ZNF846: variants seen among roughly 807,000 people sequenced by gnomAD.
The protein encoded by ZNF846 is zinc finger protein 420 pseudogene.
A neutral mutation model predicts 16.0 loss-of-function variants in ZNF846; 15 were observed. The observed-to-expected ratio is 0.94, with a 90% CI of 0.63 to 1.45. ZNF846 has a LOEUF of 1.45. ZNF846 is among the 40% of genes most tolerant of loss of function. The pLI is 0.00. For missense variants in ZNF846, 714 were observed against 622.3 expected (o/e 1.15, Z -1.57); for synonymous variants, 229 against 212.0 (o/e 1.08, Z -0.70).
Position 9,758,008 on chromosome 19 carries a change from C to G in ZNF846, c.1069G>C (p.Val357Leu), listed in dbSNP as rs139394148. Residue 357 changes from valine to leucine, a missense_variant, in exon 6 of 6, where the codon GTA becomes CTA. By Grantham distance (32) the Val-to-Leu change is conservative. Transcript: ENST00000397902. ...AGCTTCTCTCCACTGTGAATCCTTA[C>G]ATGTTTTGTAAGGTATGAGGAATGA... is the stretch of plus-strand genomic sequence containing the variant. 2.8e-4 allele frequency: 446 copies of G among 1,613,306 alleles called. 12 individuals are homozygous for G. In the African/African-American group the frequency reaches 4.0e-3, roughly 14 times the overall value.
downstream of ZNF846, among the ~76,000 whole-genome samples, chr19:9,749,983 T>A (rs751319156): frequency 6.6e-6 from 1 of 151,910 alleles, no homozygotes; most frequent in East Asian, 1.9e-4. Context: ...CACAAACAAC[T>A]ATCCCTGTTG....
intron 1 of ZNF846, among the ~76,000 whole-genome samples, chr19:9,783,383 A>G (rs1331550667): frequency 2.0e-5 from 3 of 149,198 alleles, no homozygotes; most frequent in Non-Finnish European, 4.5e-5. Context: ...GACCCGCATC[A>G]CCATGCCTAG....
At chr19:9,760,649 C>A (rs1264204884) in intron 4 of ZNF846, among the ~76,000 whole-genome samples, 1 of 149,958 alleles carries the variant, frequency 6.7e-6, no homozygotes, top group Non-Finnish European at 1.5e-5. Flanking sequence ...TGCAGTGAGT[C>A]AAGATCATGC....
chr19:9,776,235 T>C (rs911376949), intron 1 of ZNF846, among the ~76,000 whole-genome samples: 1 of 152,214 alleles, frequency 6.6e-6, no homozygotes, highest in African/African-American at 2.4e-5. Flanking sequence ...ACTCTGCTCC[T>C]CCACCTCTTG....
At chr19:9,778,306 C>A (rs1255979104) in intron 1 of ZNF846, among the ~76,000 whole-genome samples, 3 of 152,196 alleles carry the variant, frequency 2.0e-5, no homozygotes, top group Admixed American at 2.0e-4. Context: ...AAATTCACTA[C>A]AGGGATTCAA....
downstream of ZNF846, chr19:9,756,299 A>G (rs2045133194): frequency 1.4e-5 from 2 of 143,658 alleles, no homozygotes; most frequent in East Asian, 2.0e-4. Context: ...AATAATACAT[A>G]CGTGTGTGTA....
exon 6 of ZNF846, chr19:9,757,787 A>G: frequency 6.2e-7 from 1 of 1,613,360 alleles, no homozygotes. Context: ...ATTGAGTGAA[A>G]GCTTTCCCAC....
At chr19:9,785,445 G>A (rs1345960869) in intron 1 of ZNF846, among the ~76,000 whole-genome samples, 1 of 151,298 alleles carries the variant, frequency 6.6e-6, no homozygotes, top group Admixed American at 6.6e-5. Flanking sequence ...ATCCGCCTGC[G>A]TCAGCCTCCC....
chr19:9,761,326 C>T (rs1410124724), intron 4 of ZNF846, among the ~76,000 whole-genome samples: 1 of 151,384 alleles, frequency 6.6e-6, no homozygotes, highest in Non-Finnish European at 1.5e-5. Flanking sequence ...GTATATCTTT[C>T]CAAACATGCA....
intron 1 of ZNF846, among the ~76,000 whole-genome samples, chr19:9,767,239 G>A (rs1452046611): frequency 1.3e-5 from 2 of 151,978 alleles, no homozygotes; most frequent in East Asian, 2.0e-4. Flanking sequence ...GGGTTCAAGC[G>A]ATTCTCCTGC....
downstream of ZNF846, chr19:9,755,548 C>T (rs1357686474): frequency 6.6e-6 from 1 of 151,064 alleles, no homozygotes; most frequent in Non-Finnish European, 1.5e-5. Flanking sequence ...CGCCTGTAAT[C>T]CCAGCACTTT....
chr19:9,772,515 G>A (rs532503934), upstream of ZNF846, among the ~76,000 whole-genome samples: 10 of 151,560 alleles, frequency 6.6e-5, no homozygotes, highest in African/African-American at 1.9e-4. Context: ...CAGGAGAATC[G>A]CTTGAACCCA....
chr19:9,753,450 T>C (rs898073694), downstream of ZNF846, among the ~76,000 whole-genome samples: 1 of 149,832 alleles, frequency 6.7e-6, no homozygotes, highest in Non-Finnish European at 1.5e-5. Context: ...GAGACAGGGT[T>C]TCACCACCTT....
At chr19:9,783,059 C>T (rs188731209) in intron 1 of ZNF846, among the ~76,000 whole-genome samples, 2 of 151,706 alleles carry the variant, frequency 1.3e-5, no homozygotes, top group Admixed American at 6.6e-5. Flanking sequence ...GTAGCAGGGA[C>T]CATAGATGTA....
downstream of ZNF846, among the ~76,000 whole-genome samples, chr19:9,755,260 TA>T (rs1455698592): frequency 2.0e-5 from 3 of 151,638 alleles, no homozygotes; most frequent in Admixed American, 1.3e-4. Context: ...AAAATTCTAC[TA>T]GGGGGAATTT....
rs555147603 is a variant in ZNF846, at chr19:9,777,373, G to A, written c.-86+8565C>T. Reference sequence around the variant, plus strand: ...AAGAAAATTAAAAACAATTGGGTGTGGAAAAACTTGAGTTTGGAGCCGGGT... The same window carrying A: ...AAGAAAATTAAAAACAATTGGGTGTAGAAAAACTTGAGTTTGGAGCCGGGT... On this transcript the variant is annotated intron_variant, in intron 1 of 4. Coordinates refer to the ZNF846 transcript ENST00000586814. 2.0e-5 allele frequency among the ~76,000 whole-genome samples: 3 copies of A among 151,842 alleles called. No individual in the cohort carries two copies. The South Asian group carries it at 6.3e-4, about 32-fold the overall frequency.
At chr19:9,754,437 G>A (rs965350404), downstream of ZNF846, among the ~76,000 whole-genome samples, 3 of 151,110 alleles carry the variant, frequency 2.0e-5, no homozygotes, top group East Asian at 3.9e-4. Flanking sequence ...GGTGGTGGGT[G>A]CCTGTAATCC....
chr19:9,758,913 G>A lies in ZNF846; in HGVS notation c.313-149C>T, dbSNP rs1413816530. The A allele has an allele frequency of 6.5e-6, 4 of 619,930 alleles. No individual in the cohort carries two copies. The South Asian group carries it at 1.3e-4, about 20-fold the overall frequency. The allele number at this position is 619,930 out of a possible 1,614,324, so 38.4% of individuals were successfully genotyped here. A position where few individuals can be genotyped will look rare whatever the true frequency, so the allele number is the denominator to read the frequency against. ...TACAGAGTTCCAGCCCCATTTTTGA[G>A]TTAAGTTGAGTAATAGGACAATGAG... On this transcript the variant is annotated intron_variant, in intron 5 of 5. Transcript: ENST00000397902.
chr19:9,757,642 C>T (rs1335938863), exon 6 of ZNF846: 1 of 1,613,518 alleles, frequency 6.2e-7, no homozygotes, highest in Non-Finnish European at 8.5e-7. Flanking sequence ...TCTTTACATG[C>T]ATAAGGCTTT....
Sources: gnomAD v4.1 joint callset for allele counts (sites outside exome capture counted in the v4.1 genomes callset) on GRCh38, gnomAD v4.1.1 for gene constraint, MANE v1.5 for transcripts, NCBI Gene and HGNC (gene_info 2026-07-23, HGNC 2026-07-21) for gene names.